The following IRAK1BP1 variants were observed in gnomAD, a reference collection of about 807,000 sequenced individuals.
The protein encoded by IRAK1BP1 is interleukin 1 receptor associated kinase 1 binding protein 1.
Under a neutral mutation model 28.0 loss-of-function variants are expected in IRAK1BP1, and 24 were observed. That is an observed-to-expected ratio of 0.86 (90% confidence interval 0.62 to 1.20). The LOEUF (loss-of-function observed/expected upper bound fraction) is 1.20, where lower values mean the gene tolerates loss of function less well. Ranked by LOEUF, IRAK1BP1 falls within the 50% of genes most tolerant of loss-of-function variation. The pLI, the probability that IRAK1BP1 is intolerant of heterozygous loss-of-function variation, is 0.00. For synonymous variants in IRAK1BP1, 131 were observed against 116.3 expected, an observed-to-expected ratio of 1.13 and a Z score of -0.81; for missense variants, 336 against 316.7, an observed-to-expected ratio of 1.06 and a Z score of -0.46.
At chr6:78,893,776 G>C (rs1205555680) in intron 2 of IRAK1BP1, among the ~76,000 whole-genome samples, 1 of 151,932 alleles carries the variant, frequency 6.6e-6, no homozygotes, top group African/African-American at 2.4e-5. Flanking sequence ...TGGTGGTCAC[G>C]CCTGTAGTCC....
rs1192025832 is a variant in IRAK1BP1 at position 78,930,697 on chromosome 6, C to T, written c.*68-14711C>T. ...ATAATCCCAGCACACTTTGAGAGGC[C>T]GAGGCGGGCGGATCACCTGAGGTCA... On this transcript the variant is annotated intron_variant and NMD_transcript_variant, in intron 4 of 4. Coordinates refer to the IRAK1BP1 transcript ENST00000606868. 6.6e-5 allele frequency among the ~76,000 whole-genome samples: 10 copies of T among 152,004 alleles called. No individual in the cohort carries two copies. The East Asian group carries it at 1.9e-3, about 29-fold the overall frequency.
chr6:78,905,144 AT>A (rs777414737), downstream of IRAK1BP1, among the ~76,000 whole-genome samples: 14 of 152,354 alleles, frequency 9.2e-5, no homozygotes, highest in East Asian at 2.5e-3. Context: ...ATATTCAATT[AT>A]TAAATACTTG....
At chr6:78,963,862 C>G in the IRAK1BP1 span, among the ~76,000 whole-genome samples, 2 of 152,176 alleles carry the variant, frequency 1.3e-5, no homozygotes, top group Admixed American at 1.3e-4. Flanking sequence ...CAGATACACT[C>G]TAGAAAATAC....
At chr6:78,941,100 G>C in intron 4 of IRAK1BP1, 1 of 1,613,636 alleles carries the variant, frequency 6.2e-7, no homozygotes, top group Non-Finnish European at 8.5e-7. Flanking sequence ...GAAGAAGGAA[G>C]TACTTCATCT....
the IRAK1BP1 span, chr6:78,955,170 G>T: frequency 1.7e-6 from 2 of 1,155,172 alleles, no homozygotes; most frequent in Admixed American, 2.4e-5. Flanking sequence ...AAAAAATAAA[G>T]AAAGCTCTTA....
chr6:78,965,641 T>A, the IRAK1BP1 span: 2 of 935,004 alleles, frequency 2.1e-6, no homozygotes, highest in Non-Finnish European at 3.4e-6. Context: ...TAGCAAATCT[T>A]AAATAATTTC....
At chr6:78,975,181 A>C in the IRAK1BP1 span, among the ~76,000 whole-genome samples, 3 of 152,024 alleles carry the variant, frequency 2.0e-5, no homozygotes, top group Non-Finnish European at 2.9e-5. Context: ...CACCATGAAC[A>C]AGTGGGCTTC....
rs764217180 is a variant in IRAK1BP1 at position 78,885,400 on chromosome 6, A to G, written c.338A>G (p.Lys113Arg). Reference sequence around the variant, plus strand: ...CAGGCAGAAAATATAACTGTGACAAAGGATTTTAGGAGAGTGGAAAATGCT... The same window carrying G: ...CAGGCAGAAAATATAACTGTGACAAGGGATTTTAGGAGAGTGGAAAATGCT... ...GVQAENITVT[K>R]DFRRVENAYH... Residue 113 changes from lysine (K) to arginine (R), a missense_variant, in exon 2 of 4, where the codon AAG (lysine) becomes AGG (arginine). Coordinates refer to ENST00000369940, the MANE Select transcript of IRAK1BP1 (RefSeq NM_001010844.4). 51 of 1,583,000 alleles carry G rather than the reference A, an allele frequency of 3.2e-5. No homozygotes were observed. Among genetic ancestry groups the G allele is most frequent in the Middle Eastern group, 1.7e-4 (1 of 6,020 alleles).
chr6:78,962,956 CAA>C, the IRAK1BP1 span: 2 of 662,926 alleles, frequency 3.0e-6, no homozygotes, highest in Non-Finnish European at 2.5e-6. Flanking sequence ...AGACCACATT[CAA>C]AAAGAGATTC....
chr6:78,926,410 A>T (rs1308153262), intron 4 of IRAK1BP1, among the ~76,000 whole-genome samples: 2 of 152,030 alleles, frequency 1.3e-5, no homozygotes, highest in Admixed American at 1.3e-4. Context: ...TTTTATTTTA[A>T]TTTTTCTGGG....
the IRAK1BP1 span, among the ~76,000 whole-genome samples, chr6:78,959,717 A>C: frequency 6.6e-6 from 1 of 152,150 alleles, no homozygotes; most frequent in Non-Finnish European, 1.5e-5. Context: ...TTGTCTTTCA[A>C]ATGTTTTTTT....
chr6:78,946,855 C>A, downstream of IRAK1BP1: 1 of 1,568,138 alleles, frequency 6.4e-7, no homozygotes, highest in South Asian at 1.2e-5. Flanking sequence ...AGCAGACAGG[C>A]GCAAACTCAT....
the IRAK1BP1 span, among the ~76,000 whole-genome samples, chr6:78,974,176 C>G: frequency 6.6e-6 from 1 of 152,128 alleles, no homozygotes; most frequent in Non-Finnish European, 1.5e-5. Context: ...AACAAACTAT[C>G]TCTCAGACCA....
intron 4 of IRAK1BP1, among the ~76,000 whole-genome samples, chr6:78,944,902 G>A (rs1773717330): frequency 6.6e-6 from 1 of 152,166 alleles, no homozygotes; most frequent in Admixed American, 6.5e-5. Flanking sequence ...ACAGTAAGGT[G>A]TCAAAAGTTG....
chr6:78,922,914 C>T (rs1356115290), intron 4 of IRAK1BP1, among the ~76,000 whole-genome samples: 1 of 152,166 alleles, frequency 6.6e-6, no homozygotes, highest in Non-Finnish European at 1.5e-5. Flanking sequence ...ACAAGAGCTC[C>T]TGAAGGAAGC....
chr6:78,903,766 A>G (rs1772184796), downstream of IRAK1BP1, among the ~76,000 whole-genome samples: 1 of 152,102 alleles, frequency 6.6e-6, no homozygotes, highest in Non-Finnish European at 1.5e-5. Flanking sequence ...AGAATAAGAC[A>G]CTTTTTCAGT....
intron 1 of IRAK1BP1, among the ~76,000 whole-genome samples, chr6:78,882,185 C>G (rs1454815647): frequency 6.6e-6 from 1 of 151,846 alleles, no homozygotes; most frequent in Non-Finnish European, 1.5e-5. Context: ...AGGACTGGGG[C>G]AAGGAAACTG....
chr6:78,867,980 G>A, intron 1 of IRAK1BP1, 89 bp downstream of exon 1: 2 of 1,370,464 alleles, frequency 1.5e-6, no homozygotes, highest in Non-Finnish European at 2.0e-6. Context: ...CTAGCGGGAA[G>A]GGAGATGTGG....
chr6:78,955,057 A>G, the IRAK1BP1 span: 2 of 966,208 alleles, frequency 2.1e-6, no homozygotes, highest in Non-Finnish European at 3.0e-6. Context: ...GGTAATATAC[A>G]ATAATTCAAA....
Sources: allele counts gnomAD v4.1 joint callset (sites outside exome capture counted in the v4.1 genomes callset), GRCh38; gene constraint gnomAD v4.1.1; transcripts MANE v1.5; gene names NCBI Gene and HGNC (gene_info 2026-07-23, HGNC 2026-07-21).